The following PITPNM2 variants were observed in gnomAD, a reference collection of about 807,000 sequenced individuals.
PITPNM2 encodes the protein phosphatidylinositol transfer protein membrane associated 2.
PITPNM2 carries 35 observed loss-of-function variants against 132.2 expected under a neutral mutation model. That is an observed-to-expected ratio of 0.26 (90% confidence interval 0.20 to 0.35). The LOEUF (loss-of-function observed/expected upper bound fraction) is 0.35, where lower values mean the gene tolerates loss of function less well. Ranked by LOEUF, PITPNM2 falls within the 10% of genes least tolerant of loss-of-function variation. The pLI, the probability that PITPNM2 is intolerant of heterozygous loss-of-function variation, is 1.00. For synonymous variants in PITPNM2, 738 were observed against 799.2 expected (o/e 0.92, Z 1.29); for missense variants, 1,332 against 1,912.0 (o/e 0.70, Z 5.66).
At chr12:122,998,243 C>T (rs570934468) in intron 10 of PITPNM2, among the ~76,000 whole-genome samples, 47 of 152,280 alleles carry the variant, frequency 3.1e-4, no homozygotes, top group East Asian at 7.7e-4. Context: ...CTGGTGGGGA[C>T]GGAGCCCCAG....
chr12:122,984,693 G>A lies in PITPNM2; in HGVS notation c.*1334C>T, dbSNP rs140280477. The A allele has an allele frequency of 5.3e-5, 8 of 152,300 alleles. No individual in the cohort carries two copies. In the East Asian group the frequency reaches 5.8e-4, roughly 11 times the overall value. The allele number at this position is 152,300 out of a possible 1,614,324, so 9.4% of individuals were successfully genotyped here. A position where few individuals can be genotyped will look rare whatever the true frequency, so the allele number is the denominator to read the frequency against. On this transcript the variant is annotated 3_prime_UTR_variant, in exon 26 of 26. Coordinates refer to ENST00000320201, the MANE Select transcript of PITPNM2 (RefSeq NM_020845.3). Reference sequence around the variant, plus strand: ...TGCGTCCCAACACCAGACCCAGGTCGGCCGTAGCTTCTCGGGGACAGAGCC... The same window carrying A: ...TGCGTCCCAACACCAGACCCAGGTCAGCCGTAGCTTCTCGGGGACAGAGCC...
At position 122,997,456 on chromosome 12, in the gene PITPNM2, G is replaced by A. The variant is rs749154879; in HGVS notation, c.1341C>T (p.Gly447=). The change falls in exon 11 of 26, where the codon GGC becomes GGT. Residue 447 remains glycine (G), a synonymous_variant. Coordinates refer to ENST00000320201, the MANE Select transcript of PITPNM2 (RefSeq NM_020845.3). ...ACACGTTGGCGATGGTGTTAGCATC[G>A]CCCTTCTTGGAGCTGGGGTCCCCGG... The part of the protein sequence containing the change: ...TGAGDPSSKK[G]DANTIANVFD... The A allele has an allele frequency of 1.2e-5, 19 of 1,613,430 alleles. No individual in the cohort carries two copies. The South Asian group carries it at 1.4e-4, about 12-fold the overall frequency.
chr12:123,119,795 C>CTT (rs112540065), intron 1 of PITPNM2, among the ~76,000 whole-genome samples: 4 of 141,130 alleles, frequency 2.8e-5, no homozygotes, highest in South Asian at 4.5e-4. Flanking sequence ...TCTTTTCTTT[C>CTT]TTTTTTTTTT....
rs764101967 is a variant in PITPNM2, at chr12:123,097,763, G to A, written c.-96+12622C>T. Among the ~76,000 whole-genome samples the A allele has an allele frequency of 3.9e-5, 6 of 152,192 alleles. No individual in the cohort carries two copies. Among genetic ancestry groups the A allele is most frequent in the Non-Finnish European group, 5.9e-5 (4 of 68,042 alleles). Reference sequence around the variant, plus strand: ...TAATGGCAAGGCCAGAAATAGCCTTGAAGACATTCACGTGAAGATGACGGG... The same window carrying A: ...TAATGGCAAGGCCAGAAATAGCCTTAAAGACATTCACGTGAAGATGACGGG... On this transcript the variant is annotated intron_variant, in intron 2 of 25. Coordinates refer to ENST00000320201, the MANE Select transcript of PITPNM2 (RefSeq NM_020845.3). The surrounding 1 kb of genome is among the most constrained non-coding windows in gnomAD (Gnocchi z 4.7).
intron 17 of PITPNM2, 125 bp from the exon 18 acceptor site, chr12:122,990,073 C>T: frequency 1.2e-6 from 1 of 802,876 alleles, no homozygotes; most frequent in Non-Finnish European, 1.7e-6. Flanking sequence ...AGCCCATTGG[C>T]CCTCCTCACG....
intron 16 of PITPNM2, among the ~76,000 whole-genome samples, chr12:122,990,989 A>G (rs1456304927): frequency 6.6e-6 from 1 of 151,712 alleles, no homozygotes; most frequent in East Asian, 1.9e-4. Context: ...CCCCACACAC[A>G]CCCCTCAGCT....
At chr12:123,131,985 C>G (rs1012068767) in intron 1 of PITPNM2, among the ~76,000 whole-genome samples, 11 of 152,234 alleles carry the variant, frequency 7.2e-5, no homozygotes, top group Admixed American at 2.0e-4. Context: ...GTGGCAGAAC[C>G]CTGCTCCACA....
chr12:123,006,320 T>G (rs1238266001), intron 6 of PITPNM2, among the ~76,000 whole-genome samples: 2 of 152,048 alleles, frequency 1.3e-5, no homozygotes, highest in East Asian at 3.8e-4. Context: ...TAGAATATAT[T>G]ATGCACGTGA....
intron 19 of PITPNM2, 38 bp from the exon 20 acceptor site, chr12:122,988,388 C>T: frequency 5.7e-6 from 9 of 1,566,976 alleles, no homozygotes; most frequent in Non-Finnish European, 7.9e-6. Flanking sequence ...GGGGCAGATG[C>T]CACCCGGGGG....
intron 10 of PITPNM2, among the ~76,000 whole-genome samples, chr12:122,998,762 G>A (rs894599661): frequency 6.7e-6 from 1 of 150,280 alleles, no homozygotes; most frequent in African/African-American, 2.5e-5. Flanking sequence ...CAGGAACCAG[G>A]TGCCAACACA....
chr12:123,072,333 C>A (rs1010073786), intron 2 of PITPNM2, among the ~76,000 whole-genome samples: 1 of 152,202 alleles, frequency 6.6e-6, no homozygotes, highest in African/African-American at 2.4e-5. Context: ...GGGACAAGGT[C>A]TTCTAACTTG....
rs141122543 is a variant in PITPNM2, at chr12:122,987,621, C to A, written c.3153G>T (p.Glu1051Asp). ...VHIMTQPPSG[E>D]WLYLDTLVTN... ...TCACCAGCGTATCCAGGTAGAGCCACTCGCCTGAGGGCGGCTGGGTCATGA... is the reference window on the plus strand; with the variant it reads ...TCACCAGCGTATCCAGGTAGAGCCAATCGCCTGAGGGCGGCTGGGTCATGA... The change falls in exon 22 of 26, where the codon GAG becomes GAT. Residue 1051 changes from glutamate to aspartate, a missense_variant. Around this residue, in one of 6 missense-constraint regions of PITPNM2, gnomAD observed 251 missense variants for 472.0 expected, o/e 0.53. Transcript: ENST00000320201. The A allele has an allele frequency of 7.5e-5, 121 of 1,613,892 alleles. No individual in the cohort carries two copies. The highest frequency in any genetic ancestry group is 4.9e-4 in the Middle Eastern group (3 of 6,062).
At chr12:123,044,170 G>T (rs1398113036) in intron 2 of PITPNM2, among the ~76,000 whole-genome samples, 1 of 152,184 alleles carries the variant, frequency 6.6e-6, no homozygotes, top group Admixed American at 6.5e-5. Flanking sequence ...AGCAGTTAGG[G>T]TCTAAGCTGT....
chr12:123,049,081 C>T (rs888085373), intron 2 of PITPNM2, among the ~76,000 whole-genome samples: 3 of 152,078 alleles, frequency 2.0e-5, no homozygotes, highest in Non-Finnish European at 2.9e-5. Flanking sequence ...CTACACCGAG[C>T]TATGATTGTG....
In PITPNM2 at chr12:122,995,379, C is replaced by G; in HGVS notation, c.2054+10G>C. 2 of 1,579,324 alleles carry G rather than the reference C, an allele frequency of 1.3e-6. No homozygotes were observed. Among genetic ancestry groups the G allele is most frequent in the Non-Finnish European group, 1.7e-6 (2 of 1,160,536 alleles). On this transcript the variant is annotated intron_variant, in intron 14 of 25. Coordinates refer to ENST00000320201, the MANE Select transcript of PITPNM2 (RefSeq NM_020845.3). ...CCAGAGGCAAGCCCCAGCCCCCCAG[C>G]CCTGCCCACCTGGACAGGAAGGCCT... is the stretch of plus-strand genomic sequence containing the variant.
intron 10 of PITPNM2, among the ~76,000 whole-genome samples, chr12:122,998,360 G>C (rs1241680453): frequency 6.6e-6 from 1 of 152,158 alleles, no homozygotes. Context: ...CTGCACACTT[G>C]TGTAGGGGCT....
intron 1 of PITPNM2, among the ~76,000 whole-genome samples, chr12:123,121,719 A>AT (rs999040595): frequency 2.3e-4 from 34 of 150,430 alleles, no homozygotes; most frequent in Admixed American, 2.0e-4. Context: ...CTTTAACATA[A>AT]TTTTTTTTTA....
intron 1 of PITPNM2, among the ~76,000 whole-genome samples, chr12:123,145,075 G>T (rs893354092): frequency 2.0e-5 from 3 of 152,114 alleles, no homozygotes; most frequent in Non-Finnish European, 2.9e-5. Flanking sequence ...TACTCAGGAG[G>T]CTGAGGCAGG....
Position 123,009,691 on chromosome 12 carries a change from G to A in PITPNM2, c.643+159C>T, listed in dbSNP as rs2039098014. On this transcript the variant is annotated intron_variant, in intron 6 of 25. Coordinates refer to ENST00000320201, the MANE Select transcript of PITPNM2 (RefSeq NM_020845.3). The surrounding 1 kb of genome is among the most constrained non-coding windows in gnomAD (Gnocchi z 4.8). Reference sequence around the variant, plus strand: ...AGATAACCCATGGCTGGCGGGTAGTGGGGAAGCTGGACATGGGCTTTGGTG... The same window carrying A: ...AGATAACCCATGGCTGGCGGGTAGTAGGGAAGCTGGACATGGGCTTTGGTG... Among the ~76,000 whole-genome samples, 1 of 152,232 alleles carries A rather than the reference G, an allele frequency of 6.6e-6. No individual in the cohort carries two copies. Among genetic ancestry groups the A allele is most frequent in the South Asian group, 2.1e-4 (1 of 4,834 alleles).
Sources: allele counts gnomAD v4.1 joint callset (sites outside exome capture counted in the v4.1 genomes callset), GRCh38; gene constraint gnomAD v4.1.1; regional missense constraint gnomAD v4.1.1; non-coding constraint Gnocchi (gnomAD v3.1); transcripts MANE v1.5; gene names NCBI Gene and HGNC (gene_info 2026-07-23, HGNC 2026-07-21).